The following OTUD7A variants were observed in gnomAD, a reference collection of about 807,000 sequenced individuals.
The protein encoded by OTUD7A is OTU domain-containing protein 7A.
A neutral mutation model predicts 65.7 loss-of-function variants in OTUD7A; 12 were observed. The observed-to-expected ratio is 0.18, with a 90% confidence interval of 0.12 to 0.30. OTUD7A has a LOEUF of 0.30. OTUD7A is among the 10% of genes least tolerant of loss of function. The pLI, the probability that OTUD7A is intolerant of heterozygous loss-of-function variation, is 1.00. For missense variants in OTUD7A, 1,148 were observed against 1,304.8 expected, an observed-to-expected ratio of 0.88 and a Z score of 1.85; for synonymous variants, 641 against 586.3, an observed-to-expected ratio of 1.09 and a Z score of -1.35.
chr15:31,562,897 T>A (rs1888739888), intron 4 of OTUD7A, among the ~76,000 whole-genome samples: 2 of 152,144 alleles, frequency 1.3e-5, no homozygotes, highest in South Asian at 4.1e-4. Flanking sequence ...GGGCCCTGAT[T>A]TAGAATATGA....
intron 3 of OTUD7A, among the ~76,000 whole-genome samples, chr15:31,610,603 A>ATTTTT: frequency 2.6e-5 from 1 of 38,398 alleles, no homozygotes; most frequent in Non-Finnish European, 4.8e-5. Context: ...TTATATATAT[A>ATTTTT]TATATATATA....
At chr15:31,567,265 G>C (rs1888904825) in intron 4 of OTUD7A, among the ~76,000 whole-genome samples, 1 of 152,220 alleles carries the variant, frequency 6.6e-6, no homozygotes, top group Admixed American at 6.5e-5. Context: ...CACGTGTTTT[G>C]CCTTAGCAAA....
intron 3 of OTUD7A, among the ~76,000 whole-genome samples, chr15:31,626,717 A>C (rs936267902): frequency 2.6e-5 from 4 of 152,084 alleles, no homozygotes; most frequent in Non-Finnish European, 5.9e-5. Context: ...CCAGGACTAC[A>C]GGTGTGTGCC....
chr15:31,486,387 C>G (rs543013231), intron 12 of OTUD7A, among the ~76,000 whole-genome samples: 1 of 152,328 alleles, frequency 6.6e-6, no homozygotes, highest in East Asian at 1.9e-4. Context: ...TCTGAGAGCA[C>G]TGAGCAGTGC....
intron 1 of OTUD7A, among the ~76,000 whole-genome samples, chr15:31,760,896 T>C (rs1419427759): frequency 6.6e-6 from 1 of 152,182 alleles, no homozygotes; most frequent in Non-Finnish European, 1.5e-5. Context: ...GATAATTTTG[T>C]GGGGAAAGAA....
chr15:31,640,473 C>T (rs922593935), intron 3 of OTUD7A, among the ~76,000 whole-genome samples: 53 of 151,796 alleles, frequency 3.5e-4, no homozygotes, highest in African/African-American at 1.3e-3. Context: ...ACTTTTTTAG[C>T]TTTAGGTTTT....
At chr15:31,549,410 C>T (rs374303438) in intron 5 of OTUD7A, among the ~76,000 whole-genome samples, 2 of 152,326 alleles carry the variant, frequency 1.3e-5, no homozygotes, top group African/African-American at 4.8e-5. Context: ...CTGGGGTGTA[C>T]TCCTGTGTCA....
intron 1 of OTUD7A, among the ~76,000 whole-genome samples, chr15:31,842,625 TA>T: frequency 1.4e-5 from 1 of 73,886 alleles, no homozygotes; most frequent in Non-Finnish European, 3.8e-5. Context: ...TATTTAACAA[TA>T]TCACAAACGC....
At chr15:31,610,615 A>ATTTTTTTTTTTTTTT (rs1336235314) in intron 3 of OTUD7A, among the ~76,000 whole-genome samples, 5 of 32,826 alleles carry the variant, frequency 1.5e-4, no homozygotes, top group African/African-American at 2.9e-4. Flanking sequence ...ATATATATAT[A>ATTTTTTTTTTTTTTT]TATTTTTTTT....
At chr15:31,735,277 AC>A (rs1403225539) in intron 1 of OTUD7A, among the ~76,000 whole-genome samples, 1 of 152,146 alleles carries the variant, frequency 6.6e-6, no homozygotes, top group Non-Finnish European at 1.5e-5. Flanking sequence ...TAATCCTAGC[AC>A]TTGGGGAGGC....
At chr15:31,772,962 T>C (rs1895279954) in intron 1 of OTUD7A, among the ~76,000 whole-genome samples, 2 of 152,220 alleles carry the variant, frequency 1.3e-5, no homozygotes, top group Non-Finnish European at 2.9e-5. Context: ...AGTGGTGTTT[T>C]TCTGTACTAT....
Position 31,590,354 on chromosome 15 carries a change from C to G in OTUD7A, c.152-20157G>C, listed in dbSNP as rs149536340. ...CAATCACATGTCTCATAAGGTATTT[C>G]TGTCATTCAGTGATGAATGACTATA... On this transcript the variant is annotated intron_variant, in intron 3 of 12. Transcript: ENST00000307050. Among the ~76,000 whole-genome samples the G allele has an allele frequency of 2.0e-3, 305 of 152,158 alleles. 1 individual carries two copies. Among genetic ancestry groups the G allele is most frequent in the African/African-American group, 7.0e-3 (291 of 41,508 alleles).
At chr15:31,492,541 C>T (rs2041330599) in intron 10 of OTUD7A, among the ~76,000 whole-genome samples, 1 of 149,986 alleles carries the variant, frequency 6.7e-6, no homozygotes, top group African/African-American at 2.5e-5. Context: ...CAAGATCATG[C>T]CACTGCACTC....
intron 3 of OTUD7A, among the ~76,000 whole-genome samples, chr15:31,643,345 T>C (rs1022225592): frequency 1.4e-4 from 21 of 152,284 alleles, no homozygotes; most frequent in African/African-American, 5.1e-4. Flanking sequence ...TTTTGGATAT[T>C]TTCCATTGCT....
intron 1 of OTUD7A, among the ~76,000 whole-genome samples, chr15:31,732,019 T>C (rs1261778943): frequency 1.3e-5 from 2 of 152,196 alleles, no homozygotes; most frequent in African/African-American, 2.4e-5. Context: ...AGGAGGGAGA[T>C]ACAGGATCCT....
At chr15:31,753,697 A>AT in intron 1 of OTUD7A, among the ~76,000 whole-genome samples, 1 of 13,716 alleles carries the variant, frequency 7.3e-5, no homozygotes, top group African/African-American at 2.5e-4. Context: ...ATATATATAT[A>AT]TATATTATAT....
chr15:31,519,118 C>CTGTG (rs56265620), intron 8 of OTUD7A, among the ~76,000 whole-genome samples: 3,211 of 151,140 alleles, frequency 0.021, 97 homozygotes, highest in African/African-American at 0.07. Flanking sequence ...TAGCACTGTG[C>CTGTG]TGTGTGTGTG....
chr15:31,758,269 A>T (rs1232727073), intron 1 of OTUD7A, among the ~76,000 whole-genome samples: 2 of 152,138 alleles, frequency 1.3e-5, no homozygotes, highest in Admixed American at 1.3e-4. Context: ...AAAATCAAAC[A>T]CACAAACAAG....
chr15:31,695,125 G>A (rs1323962201), intron 1 of OTUD7A, among the ~76,000 whole-genome samples: 2 of 152,104 alleles, frequency 1.3e-5, no homozygotes, highest in African/African-American at 2.4e-5. Flanking sequence ...GATTACAGGC[G>A]TGAGCCACCG....
Sources: allele counts gnomAD v4.1 joint callset (sites outside exome capture counted in the v4.1 genomes callset), GRCh38; gene constraint gnomAD v4.1.1; transcripts MANE v1.5; gene names NCBI Gene and HGNC (gene_info 2026-07-23, HGNC 2026-07-21).